Variants in PLCL1 observed in about 807,000 individuals in gnomAD.
PLCL1 encodes inactive phospholipase C-like protein 1.
Under a neutral mutation model 84.4 loss-of-function variants are expected in PLCL1, and 41 were observed. The observed-to-expected ratio is 0.49, with a 90% confidence interval of 0.38 to 0.63. The LOEUF (loss-of-function observed/expected upper bound fraction) is 0.63. PLCL1 is among the 30% of genes least tolerant of loss of function. The pLI is 0.00. For missense variants in PLCL1, 1,206 were observed against 1,367.8 expected, an observed-to-expected ratio of 0.88 and a Z score of 1.87; for synonymous variants, 490 against 488.3, an observed-to-expected ratio of 1.00 and a Z score of -0.05.
At chr2:198,062,684 T>C (rs2105878631) in intron 1 of PLCL1, among the ~76,000 whole-genome samples, 1 of 152,344 alleles carries the variant, frequency 6.6e-6, no homozygotes, top group South Asian at 2.1e-4. Flanking sequence ...TGCAGTGTTT[T>C]CAAATTTTCC....
chr2:197,899,925 G>A (rs990431391), intron 1 of PLCL1, among the ~76,000 whole-genome samples: 11 of 152,042 alleles, frequency 7.2e-5, no homozygotes, highest in African/African-American at 2.7e-4. Context: ...GTGAGCCACC[G>A]CGCCCGGCCC....
chr2:198,081,138 C>A (rs1177725819), intron 1 of PLCL1, among the ~76,000 whole-genome samples: 1 of 152,196 alleles, frequency 6.6e-6, no homozygotes. Context: ...GAACCATATA[C>A]ATTCATTTAG....
intron 1 of PLCL1, among the ~76,000 whole-genome samples, chr2:197,908,129 C>T (rs1688418160): frequency 6.6e-6 from 1 of 152,098 alleles, no homozygotes; most frequent in Non-Finnish European, 1.5e-5. Context: ...ATGAAGGTGC[C>T]TTTTACTGAG....
chr2:197,846,489 T>C (rs1336615687), intron 1 of PLCL1, among the ~76,000 whole-genome samples: 1 of 152,136 alleles, frequency 6.6e-6, no homozygotes, highest in Non-Finnish European at 1.5e-5. Context: ...AAATATATTT[T>C]AAAAGTTAAA....
chr2:198,074,425 C>CT (rs763941621), intron 1 of PLCL1, among the ~76,000 whole-genome samples: 2 of 152,094 alleles, frequency 1.3e-5, no homozygotes, highest in Non-Finnish European at 2.9e-5. Flanking sequence ...TTTAAATATG[C>CT]TTAATTCAAA....
chr2:198,011,268 A>C (rs537313936), intron 1 of PLCL1, among the ~76,000 whole-genome samples: 1 of 151,522 alleles, frequency 6.6e-6, no homozygotes, highest in African/African-American at 2.4e-5. Flanking sequence ...CTTCCCTTTT[A>C]CTACTGCTTT....
At chr2:197,975,445 G>A (rs1689960096) in intron 1 of PLCL1, among the ~76,000 whole-genome samples, 2 of 152,080 alleles carry the variant, frequency 1.3e-5, no homozygotes, top group Admixed American at 1.3e-4. Flanking sequence ...TTCCAGTCCT[G>A]CTTTCTCCTA....
intron 1 of PLCL1, among the ~76,000 whole-genome samples, chr2:197,937,514 G>A: frequency 6.6e-6 from 1 of 152,054 alleles, no homozygotes; most frequent in Non-Finnish European, 1.5e-5. Flanking sequence ...TTATTCCTAA[G>A]TATTTTGTTT....
At chr2:198,117,214 AT>A (rs1397361507) in intron 5 of PLCL1, among the ~76,000 whole-genome samples, 3 of 151,768 alleles carry the variant, frequency 2.0e-5, no homozygotes, top group Admixed American at 6.6e-5. Context: ...TAAGAGACAT[AT>A]TTTTCATATA....
intron 1 of PLCL1, among the ~76,000 whole-genome samples, chr2:198,056,058 A>G (rs1327177685): frequency 6.6e-6 from 1 of 152,224 alleles, no homozygotes; most frequent in African/African-American, 2.4e-5. Context: ...CTTGGCTTCA[A>G]ATTGAGAGGG....
intron 1 of PLCL1, among the ~76,000 whole-genome samples, chr2:198,038,475 G>A (rs556212802): frequency 2.6e-5 from 4 of 152,158 alleles, no homozygotes; most frequent in South Asian, 4.2e-4. Context: ...TACTACTAGT[G>A]TATTTTTTCA....
intron 1 of PLCL1, among the ~76,000 whole-genome samples, chr2:198,019,940 A>G (rs1021894497): frequency 6.6e-6 from 1 of 152,212 alleles, no homozygotes; most frequent in African/African-American, 2.4e-5. Context: ...TAATCGTCAG[A>G]TTTACCAAGG....
At chr2:198,076,195 A>G (rs1199254154) in intron 1 of PLCL1, among the ~76,000 whole-genome samples, 4 of 151,594 alleles carry the variant, frequency 2.6e-5, no homozygotes, top group African/African-American at 9.7e-5. Context: ...GCACTCTATC[A>G]CTAGCTTTGC....
intron 1 of PLCL1, among the ~76,000 whole-genome samples, chr2:197,903,467 A>ATTTT (rs1559040542): frequency 5.0e-5 from 4 of 80,648 alleles, no homozygotes; most frequent in African/African-American, 1.5e-4. Flanking sequence ...ACTCCATTTA[A>ATTTT]ATTTTTTTTT....
chr2:197,849,204 C>G (rs1468327625), intron 1 of PLCL1, among the ~76,000 whole-genome samples: 1 of 152,086 alleles, frequency 6.6e-6, no homozygotes, highest in Non-Finnish European at 1.5e-5. Context: ...GTTTGCAGTA[C>G]CCTTGGTATT....
At chr2:197,939,937 C>T (rs142553336) in intron 1 of PLCL1, among the ~76,000 whole-genome samples, 1 of 152,206 alleles carries the variant, frequency 6.6e-6, no homozygotes, top group East Asian at 1.9e-4. Flanking sequence ...CATACCAATA[C>T]TTAGGCATCA....
At chr2:197,981,684 T>C (rs1460484046) in intron 1 of PLCL1, among the ~76,000 whole-genome samples, 1 of 152,216 alleles carries the variant, frequency 6.6e-6, no homozygotes, top group East Asian at 1.9e-4. Context: ...AATGTCTGTC[T>C]GTTATTAGAA....
intron 1 of PLCL1, among the ~76,000 whole-genome samples, chr2:197,862,012 T>C (rs895685969): frequency 3.3e-5 from 5 of 152,176 alleles, no homozygotes; most frequent in African/African-American, 1.2e-4. Context: ...ATATATGTGA[T>C]TAAGAAAACC....
chr2:197,992,289 G>A lies in PLCL1; in HGVS notation c.241-91469G>A, dbSNP rs182221766. ...ATTAAATTAATTTATTTTTGAGACA[G>A]GGTCTCACTCTGTCACCCAGGCTGG... is the stretch of plus-strand genomic sequence containing the variant. On this transcript the variant is annotated intron_variant, in intron 1 of 5. Transcript: ENST00000428675. 7.0e-3 allele frequency among the ~76,000 whole-genome samples: 1,061 copies of A among 152,078 alleles called. 6 individuals are homozygous for A. Among genetic ancestry groups the A allele is most frequent in the South Asian group, 0.019 (90 of 4,818 alleles).
Sources: gnomAD v4.1 joint callset for allele counts (sites outside exome capture counted in the v4.1 genomes callset) on GRCh38, gnomAD v4.1.1 for gene constraint, MANE v1.5 for transcripts, NCBI Gene and HGNC (gene_info 2026-07-23, HGNC 2026-07-21) for gene names.